Variants in MAGI1 observed in about 807,000 individuals in gnomAD.
The protein encoded by MAGI1 is membrane associated guanylate kinase, WW and PDZ domain containing 1, also known as membrane-associated guanylate kinase, WW and PDZ domain-containing protein 1.
In MAGI1, 58 loss-of-function variants were observed where a neutral mutation model predicts 139.9. The observed-to-expected ratio is 0.41, with a 90% CI of 0.34 to 0.52. MAGI1 has a LOEUF of 0.52. Ranked by LOEUF, MAGI1 falls within the 20% of genes least tolerant of loss-of-function variation. The pLI is 0.12. For missense variants in MAGI1, 1,874 were observed against 1,901.6 expected (o/e 0.99, Z 0.27); for synonymous variants, 812 against 737.9 (o/e 1.10, Z -1.63).
chr3:65,776,429 T>A (rs1204325160), intron 1 of MAGI1, among the ~76,000 whole-genome samples: 2 of 152,178 alleles, frequency 1.3e-5, no homozygotes, highest in African/African-American at 4.8e-5. Flanking sequence ...ACACAATTTT[T>A]AAAAATGGTA....
chr3:65,364,618 G>T, intron 20 of MAGI1, 47 bp downstream of exon 20: 1 of 1,523,434 alleles, frequency 6.6e-7, no homozygotes, highest in Non-Finnish European at 9.1e-7. Context: ...TGAGAAAGTT[G>T]GAAGGAAACG....
At chr3:65,509,514 TTCCCTTTCC>T (rs2077467556) in intron 2 of MAGI1, among the ~76,000 whole-genome samples, 2 of 151,882 alleles carry the variant, frequency 1.3e-5, no homozygotes, top group African/African-American at 4.8e-5. Context: ...GGCCAGGGAG[TTCCCTTTCC>T]GACTCAAAGA....
chr3:65,840,339 T>C (rs34575524), intron 1 of MAGI1, among the ~76,000 whole-genome samples: 80,112 of 151,996 alleles, frequency 0.53, 21,538 homozygotes, highest in East Asian at 0.77. Context: ...CTTTGTTCAC[T>C]GCCTTAGGCA....
intron 1 of MAGI1, chr3:65,907,586 A>G (rs904755214): frequency 6.6e-6 from 1 of 152,242 alleles, no homozygotes; most frequent in African/African-American, 2.4e-5. Context: ...AAAATCTAGG[A>G]ATCCACTGCC....
intron 1 of MAGI1, among the ~76,000 whole-genome samples, chr3:65,638,796 G>A (rs1045257445): frequency 2.0e-5 from 3 of 151,618 alleles, no homozygotes; most frequent in East Asian, 3.9e-4. Flanking sequence ...TAGTAGAGAC[G>A]GGGTTTCACC....
intron 1 of MAGI1, among the ~76,000 whole-genome samples, chr3:65,991,806 G>A (rs1364100197): frequency 6.6e-6 from 1 of 152,100 alleles, no homozygotes; most frequent in African/African-American, 2.4e-5. Context: ...CCTGAGGTCA[G>A]GAGTTTGAGA....
chr3:65,925,701 A>C (rs1048454559), intron 1 of MAGI1, among the ~76,000 whole-genome samples: 3 of 151,782 alleles, frequency 2.0e-5, no homozygotes, highest in African/African-American at 7.3e-5. Context: ...TTTTTTTTAG[A>C]CAGGATCTCC....
chr3:65,726,212 A>G (rs562895276), intron 1 of MAGI1, among the ~76,000 whole-genome samples: 1 of 152,208 alleles, frequency 6.6e-6, no homozygotes. Flanking sequence ...TATTTAAGCT[A>G]TGCCACCTGG....
intron 2 of MAGI1, among the ~76,000 whole-genome samples, chr3:65,617,894 C>T (rs74889146): frequency 0.033 from 5,095 of 152,262 alleles, 125 homozygotes; most frequent in African/African-American, 0.068. Flanking sequence ...GTTAGATACG[C>T]TGCCTGACTC....
intron 13 of MAGI1, among the ~76,000 whole-genome samples, chr3:65,394,524 G>A (rs1271659959): frequency 3.3e-5 from 5 of 152,122 alleles, no homozygotes; most frequent in African/African-American, 7.2e-5. Context: ...GAAGCTTTTT[G>A]GATGTTCTCC....
At chr3:66,000,734 G>A (rs1304895141) in intron 1 of MAGI1, among the ~76,000 whole-genome samples, 1 of 152,228 alleles carries the variant, frequency 6.6e-6, no homozygotes, top group Non-Finnish European at 1.5e-5. Context: ...CAGTTAATGG[G>A]TGTTTACTTC....
At chr3:65,601,147 C>A (rs902040324) in intron 2 of MAGI1, among the ~76,000 whole-genome samples, 65 of 152,296 alleles carry the variant, frequency 4.3e-4, no homozygotes, top group African/African-American at 1.4e-3. Flanking sequence ...CCTCTAAATG[C>A]TTGCTCTGCA....
intron 2 of MAGI1, among the ~76,000 whole-genome samples, chr3:65,596,405 C>T (rs1232131135): frequency 6.6e-6 from 1 of 152,136 alleles, no homozygotes; most frequent in Non-Finnish European, 1.5e-5. Flanking sequence ...ACACTATAAA[C>T]CAGCAAGGGT....
intron 14 of MAGI1, 46 bp from the exon 15 acceptor site, chr3:65,383,669 A>C (rs1242838138): frequency 8.9e-7 from 1 of 1,127,124 alleles, no homozygotes; most frequent in African/African-American, 1.5e-5. Flanking sequence ...TACTGATAAA[A>C]GCAATGATAC....
At chr3:65,548,511 C>CTTTTTTTTTTTTTTTTT (rs1170215972) in intron 2 of MAGI1, among the ~76,000 whole-genome samples, 32 of 87,386 alleles carry the variant, frequency 3.7e-4, no homozygotes, top group African/African-American at 6.1e-4. Flanking sequence ...AAACAACACT[C>CTTTTTTTTTTTTTTTTT]TTTTTTTTTT....
chr3:65,759,583 G>T (rs2107867788), intron 1 of MAGI1, among the ~76,000 whole-genome samples: 1 of 152,312 alleles, frequency 6.6e-6, no homozygotes, highest in East Asian at 1.9e-4. Context: ...AGCAGCAGTG[G>T]GTGGGGGGTA....
intron 1 of MAGI1, among the ~76,000 whole-genome samples, chr3:65,748,973 C>T (rs1393314830): frequency 1.3e-5 from 2 of 152,100 alleles, no homozygotes; most frequent in Non-Finnish European, 2.9e-5. Context: ...AATGGTGATC[C>T]AGATGGTATC....
intron 2 of MAGI1, among the ~76,000 whole-genome samples, chr3:65,586,547 T>A (rs2081692188): frequency 6.6e-6 from 1 of 152,120 alleles, no homozygotes; most frequent in Non-Finnish European, 1.5e-5. Flanking sequence ...GCAAGTTAAT[T>A]TTCAAAATGA....
intron 1 of MAGI1, among the ~76,000 whole-genome samples, chr3:65,839,741 A>G (rs1029193924): frequency 1.3e-5 from 2 of 152,220 alleles, no homozygotes; most frequent in Non-Finnish European, 2.9e-5. Context: ...AAAGGAAAAG[A>G]CTGACAAACT....
Sources: gnomAD v4.1 joint callset for allele counts (sites outside exome capture counted in the v4.1 genomes callset) on GRCh38, gnomAD v4.1.1 for gene constraint, MANE v1.5 for transcripts, NCBI Gene and HGNC (gene_info 2026-07-23, HGNC 2026-07-21) for gene names.